Variants in NR6A1 observed in about 807,000 individuals in gnomAD.
The protein encoded by NR6A1 is retinoic acid receptor-related testis-associated receptor.
NR6A1 carries 7 observed loss-of-function variants against 59.1 expected under a neutral mutation model. The ratio of observed to expected loss-of-function variants is 0.12; its 90% CI spans 0.07 to 0.22. NR6A1 has a LOEUF of 0.22. NR6A1 is among the 10% of genes least tolerant of loss of function. NR6A1 has a pLI of 1.00. For missense variants in NR6A1, 468 were observed against 611.6 expected, an observed-to-expected ratio of 0.77 and a Z score of 2.48; for synonymous variants, 243 against 236.1, an observed-to-expected ratio of 1.03 and a Z score of -0.27.
chr9:124,588,356 G>A (rs556368014), intron 2 of NR6A1, among the ~76,000 whole-genome samples: 7 of 151,906 alleles, frequency 4.6e-5, no homozygotes, highest in African/African-American at 1.7e-4. Context: ...TGCCCAGACT[G>A]GAGTACAGTG....
chr9:124,695,791 A>G (rs964182748), intron 2 of NR6A1, among the ~76,000 whole-genome samples: 1 of 152,230 alleles, frequency 6.6e-6, no homozygotes, highest in African/African-American at 2.4e-5. Context: ...AATTATTTCC[A>G]AAATTTCTGA....
intron 2 of NR6A1, among the ~76,000 whole-genome samples, chr9:124,617,091 G>A (rs189947479): frequency 2.4e-4 from 36 of 152,312 alleles, no homozygotes; most frequent in Non-Finnish European, 5.0e-4. Flanking sequence ...CCAAGATGGA[G>A]AGATGGGTAA....
In NR6A1 at chr9:124,519,306, CCT is replaced by C. The variant is rs1407295509; in HGVS notation, c.*3397_*3398del. The C allele has an allele frequency of 6.6e-6, 1 of 152,218 alleles. No homozygotes were observed. Among genetic ancestry groups the C allele is most frequent in the East Asian group, 1.9e-4 (1 of 5,190 alleles). The allele number at this position is 152,218 out of a possible 1,614,324, so 9.4% of individuals were successfully genotyped here. A position where few individuals can be genotyped will look rare whatever the true frequency, so the allele number is the denominator to read the frequency against. ...CCTCCTATCCCTGGGGGCTTGCCCA[CCT>C]CTCTTGTGAGTGGGGCATAGGGGCT... On this transcript the variant is annotated 3_prime_UTR_variant, in exon 10 of 10. Transcript: ENST00000487099.
intron 2 of NR6A1, among the ~76,000 whole-genome samples, chr9:124,627,151 G>C (rs1023560803): frequency 2.6e-5 from 4 of 152,184 alleles, no homozygotes; most frequent in African/African-American, 4.8e-5. Flanking sequence ...CTTAACATCT[G>C]TAAGACAATG....
chr9:124,640,237 A>C (rs1836732307), intron 2 of NR6A1, among the ~76,000 whole-genome samples: 1 of 152,194 alleles, frequency 6.6e-6, no homozygotes. Flanking sequence ...GAATCTCCTA[A>C]TGCTCTTCAG....
intron 2 of NR6A1, among the ~76,000 whole-genome samples, chr9:124,699,901 G>T (rs1838881749): frequency 1.3e-5 from 2 of 152,170 alleles, no homozygotes; most frequent in South Asian, 4.1e-4. Flanking sequence ...TCTTCGCCCA[G>T]ACTGGAGTGC....
chr9:124,707,808 T>C (rs1839177536), intron 2 of NR6A1, among the ~76,000 whole-genome samples: 1 of 152,158 alleles, frequency 6.6e-6, no homozygotes, highest in African/African-American at 2.4e-5. Context: ...CCCCTCTAAC[T>C]GTATAGCTTC....
rs576564041 is a variant in NR6A1, at chr9:124,650,271, G to A, written c.142+83037C>T. 5.3e-5 allele frequency among the ~76,000 whole-genome samples: 8 copies of A among 152,166 alleles called. 1 individual carries two copies. In the South Asian group the frequency reaches 1.7e-3, roughly 32 times the overall value. ...TGGAGTATTATTCAGCCATAAAAAA[G>A]AATAAAATCCCATCATTTGCAGCAA... On this transcript the variant is annotated intron_variant, in intron 2 of 9. Coordinates refer to ENST00000487099, the MANE Select transcript of NR6A1 (RefSeq NM_033334.4).
intron 2 of NR6A1, among the ~76,000 whole-genome samples, chr9:124,567,831 CTT>C (rs534591761): frequency 1.3e-4 from 13 of 101,306 alleles, no homozygotes; most frequent in Admixed American, 4.3e-4. Flanking sequence ...TAAAAATTTG[CTT>C]TTTTTTTTTT....
intron 2 of NR6A1, among the ~76,000 whole-genome samples, chr9:124,703,815 A>G (rs890019518): frequency 3.6e-5 from 5 of 139,696 alleles, no homozygotes; most frequent in Non-Finnish European, 7.8e-5. Context: ...AAGGATTAGT[A>G]TTATTGCTTC....
At chr9:124,554,604 A>G (rs749869081) in intron 2 of NR6A1, 34 bp from the exon 3 acceptor site, 1 of 1,613,290 alleles carries the variant, frequency 6.2e-7, no homozygotes, top group East Asian at 2.2e-5. Context: ...CAGTGGAAAT[A>G]ATGGCTTTAA....
At position 124,643,833 on chromosome 9, in the gene NR6A1, A is replaced by G. The variant is rs577404739; in HGVS notation, c.143-89263T>C. On this transcript the variant is annotated intron_variant, in intron 2 of 9. Coordinates refer to ENST00000487099, the MANE Select transcript of NR6A1 (RefSeq NM_033334.4). Reference sequence around the variant, plus strand: ...TTTTTAAAATCAGAAAAAATTAAATATATTTTAAAAATCACTATAAATTTG... The same window carrying G: ...TTTTTAAAATCAGAAAAAATTAAATGTATTTTAAAAATCACTATAAATTTG... Among the ~76,000 whole-genome samples the G allele has an allele frequency of 7.3e-5, 11 of 151,708 alleles. No individual in the cohort carries two copies. The South Asian group carries it at 1.7e-3, about 23-fold the overall frequency.
chr9:124,617,905 A>G (rs1210691194), intron 2 of NR6A1, among the ~76,000 whole-genome samples: 2 of 152,178 alleles, frequency 1.3e-5, no homozygotes, highest in Non-Finnish European at 2.9e-5. Context: ...AGATAAAAAA[A>G]AGTCACCTCC....
chr9:124,696,648 A>G (rs1245219848), intron 2 of NR6A1, among the ~76,000 whole-genome samples: 4 of 149,790 alleles, frequency 2.7e-5, no homozygotes, highest in African/African-American at 7.4e-5. Context: ...TCAGCCTCCA[A>G]AGTAGCTGGA....
intron 2 of NR6A1, among the ~76,000 whole-genome samples, chr9:124,643,023 A>G (rs985160876): frequency 2.4e-5 from 3 of 125,478 alleles, no homozygotes; most frequent in Non-Finnish European, 4.7e-5. Context: ...ATGTCTCTTG[A>G]GCTTTTTATG....
chr9:124,566,768 T>C (rs1834253132), intron 2 of NR6A1, among the ~76,000 whole-genome samples: 1 of 151,872 alleles, frequency 6.6e-6, no homozygotes, highest in Non-Finnish European at 1.5e-5. Flanking sequence ...TAACAGAAAA[T>C]TGGAAAACAA....
At chr9:124,551,138 A>T (rs1833766304) in intron 3 of NR6A1, among the ~76,000 whole-genome samples, 1 of 152,060 alleles carries the variant, frequency 6.6e-6, no homozygotes, top group South Asian at 2.1e-4. Flanking sequence ...GGAATCAACC[A>T]GTTTTCCAAT....
chr9:124,634,512 TTTTA>T (rs1836542566), intron 2 of NR6A1, among the ~76,000 whole-genome samples: 1 of 152,196 alleles, frequency 6.6e-6, no homozygotes, highest in South Asian at 2.1e-4. Context: ...GTTTTCTTGC[TTTTA>T]TTTTTTTTAA....
At chr9:124,640,426 A>G (rs1836736544) in intron 2 of NR6A1, among the ~76,000 whole-genome samples, 1 of 152,078 alleles carries the variant, frequency 6.6e-6, no homozygotes, top group Admixed American at 6.6e-5. Context: ...TTTTAGAGGA[A>G]GGTTCTCATG....
Sources: allele counts gnomAD v4.1 joint callset (sites outside exome capture counted in the v4.1 genomes callset), GRCh38; gene constraint gnomAD v4.1.1; transcripts MANE v1.5; gene names NCBI Gene and HGNC (gene_info 2026-07-23, HGNC 2026-07-21).